The following VWA8 variants were observed in gnomAD, a reference collection of about 807,000 sequenced individuals.
The protein encoded by VWA8 is von Willebrand factor A domain-containing protein 8.
In VWA8, 221 loss-of-function variants were observed where a neutral mutation model predicts 241.5. The ratio of observed to expected loss-of-function variants is 0.91; its 90% confidence interval spans 0.82 to 1.02. The LOEUF (loss-of-function observed/expected upper bound fraction) is 1.02. VWA8 is among the 50% of genes least tolerant of loss of function. The probability of loss-of-function intolerance (pLI) is 0.00; values close to 1 mark genes in which losing one functional copy is unlikely to be tolerated. For missense variants in VWA8, 2,322 were observed against 2,328.7 expected (o/e 1.00, Z 0.06); for synonymous variants, 852 against 827.1 (o/e 1.03, Z -0.52).
chr13:41,940,004 GTTC>G (rs1389847756), intron 2 of VWA8, among the ~76,000 whole-genome samples: 2 of 152,116 alleles, frequency 1.3e-5, no homozygotes, highest in African/African-American at 4.8e-5. Context: ...CTAACACACT[GTTC>G]TTCTCATTCC....
chr13:41,863,253 A>G (rs1309433901), intron 12 of VWA8, among the ~76,000 whole-genome samples: 1 of 151,220 alleles, frequency 6.6e-6, no homozygotes, highest in African/African-American at 2.4e-5. Flanking sequence ...CAGAGTCCAC[A>G]TTCTCCAGTT....
intron 6 of VWA8, 70 bp from the exon 7 acceptor site, chr13:41,886,900 A>G (rs1874570122): frequency 8.1e-7 from 1 of 1,230,710 alleles, no homozygotes; most frequent in African/African-American, 1.6e-5. Flanking sequence ...AATGTTTTGT[A>G]GATACAATCC....
chr13:41,828,788 C>T (rs1040924533), intron 14 of VWA8, among the ~76,000 whole-genome samples: 1 of 152,116 alleles, frequency 6.6e-6, no homozygotes, highest in Non-Finnish European at 1.5e-5. Flanking sequence ...ATATCATTAT[C>T]ATACTTAAGG....
chr13:41,834,560 T>C (rs1027199635), intron 12 of VWA8, among the ~76,000 whole-genome samples: 2 of 152,178 alleles, frequency 1.3e-5, no homozygotes, highest in Non-Finnish European at 2.9e-5. Context: ...ACTAAATGGC[T>C]ATTACTAAAA....
intron 27 of VWA8, 37 bp downstream of exon 27, chr13:41,703,266 G>A (rs1566421326): frequency 1.3e-5 from 20 of 1,542,796 alleles, no homozygotes; most frequent in African/African-American, 2.7e-5. Context: ...AATTTATAAG[G>A]TTCAATATTT....
At chr13:41,755,043 G>A (rs2045684433) in intron 21 of VWA8, among the ~76,000 whole-genome samples, 2 of 151,796 alleles carry the variant, frequency 1.3e-5, no homozygotes, top group Non-Finnish European at 2.9e-5. Flanking sequence ...CCAAATCTTG[G>A]CTATTGTAAA....
intron 3 of VWA8, among the ~76,000 whole-genome samples, chr13:41,908,031 G>C (rs1875807805): frequency 6.6e-6 from 1 of 152,040 alleles, no homozygotes; most frequent in African/African-American, 2.4e-5. Context: ...TATTTGGTTT[G>C]CCCACAAACT....
At chr13:41,919,427 G>A (rs1876408765) in intron 2 of VWA8, among the ~76,000 whole-genome samples, 2 of 152,136 alleles carry the variant, frequency 1.3e-5, no homozygotes, top group Non-Finnish European at 2.9e-5. Flanking sequence ...AACCGACACT[G>A]TGCCTTACCC....
chr13:41,890,721 A>G (rs1396514143), intron 5 of VWA8, among the ~76,000 whole-genome samples: 1 of 152,246 alleles, frequency 6.6e-6, no homozygotes, highest in Non-Finnish European at 1.5e-5. Flanking sequence ...GAAGCAGACA[A>G]CAAAGGGCAC....
intron 14 of VWA8, among the ~76,000 whole-genome samples, chr13:41,826,205 T>G (rs905650531): frequency 3.3e-5 from 5 of 152,222 alleles, no homozygotes; most frequent in Non-Finnish European, 7.3e-5. Flanking sequence ...TGACTGTGTT[T>G]AACAACAAAA....
chr13:41,883,276 G>A (rs1874350366), intron 9 of VWA8, 111 bp downstream of exon 9: 1 of 764,094 alleles, frequency 1.3e-6, no homozygotes. Context: ...AAGAAATAAG[G>A]ATGGGGAGAG....
At position 41,960,859 on chromosome 13, in the gene VWA8, C is replaced by T; in HGVS notation, c.157G>A (p.Asp53Asn). Reference sequence around the variant, plus strand: ...GGGGCGCACCCCGAGTTACCTGTGTCGGCCCCCGAGCCGGCGTGCAACAGT... The same window carrying T: ...GGGGCGCACCCCGAGTTACCTGTGTTGGCCCCCGAGCCGGCGTGCAACAGT... ...VRLLHAGSGA[D>N]TGDTVNIGDV... Residue 53 changes from aspartate to asparagine, a missense_variant, in exon 1 of 45, where the codon GAC becomes AAC. Asp to Asn is a conservative substitution (Grantham distance 23). Transcript: ENST00000379310. 1 of 1,517,734 alleles carries T rather than the reference C, an allele frequency of 6.6e-7. No individual in the cohort carries two copies. The highest frequency in any genetic ancestry group is 8.8e-7 in the Non-Finnish European group (1 of 1,138,890). 94.0% of individuals were successfully genotyped at this position (1,517,734 alleles called of 1,614,324 possible).
At chr13:41,781,887 A>G (rs1556346) in intron 19 of VWA8, among the ~76,000 whole-genome samples, 22,677 of 152,222 alleles carry the variant, frequency 0.15, 1,831 homozygotes, top group East Asian at 0.19. Context: ...TATGGAAAAC[A>G]CGTTTTAAAA....
At chr13:41,960,676 C>G (rs989187631) in intron 1 of VWA8, among the ~76,000 whole-genome samples, 177 bp downstream of exon 1, 3 of 152,204 alleles carry the variant, frequency 2.0e-5, no homozygotes, top group Non-Finnish European at 2.9e-5. Flanking sequence ...GCCTTGCCCC[C>G]ACGTTACACA....
intron 17 of VWA8, among the ~76,000 whole-genome samples, chr13:41,800,355 T>C (rs9594631): frequency 0.015 from 2,281 of 152,284 alleles, 51 homozygotes; most frequent in African/African-American, 0.051. Context: ...CCTTTTGAGT[T>C]TGGATAAGAG....
chr13:41,778,338 A>G (rs1279221142), intron 19 of VWA8, among the ~76,000 whole-genome samples: 5 of 152,126 alleles, frequency 3.3e-5, no homozygotes, highest in Non-Finnish European at 7.4e-5. Flanking sequence ...TTTACCTATT[A>G]TACTATGTAG....
chr13:41,887,277 G>A lies in VWA8; in HGVS notation c.736C>T (p.Pro246Ser), dbSNP rs1268573975. The change falls in exon 6 of 45, where the codon CCA becomes TCA. Residue 246 changes from proline (P) to serine (S), a missense_variant. Pro to Ser is a moderately conservative substitution (Grantham distance 74, BLOSUM62 -1). Transcript: ENST00000379310. ...TCTAATGGATTCCCAGAATACCTTG[G>A]CACTGGCAAGCCCAAGGCAATCACT... ...FRVIALGLPV[P>S]RYSGNPLDPP... The A allele has an allele frequency of 1.2e-6, 2 of 1,613,658 alleles. No individual in the cohort carries two copies. Among genetic ancestry groups the A allele is most frequent in the Non-Finnish European group, 8.5e-7 (1 of 1,179,856 alleles).
intron 16 of VWA8, 141 bp from the exon 17 acceptor site, chr13:41,811,481 C>T (rs922358154): frequency 2.1e-6 from 1 of 479,220 alleles, no homozygotes; most frequent in Non-Finnish European, 3.6e-6. Context: ...AATTACAAAT[C>T]AAAATAAACA....
At position 41,811,324 on chromosome 13, in the gene VWA8, G is replaced by A; in HGVS notation, c.1964C>T (p.Ala655Val). 1 of 1,609,764 alleles carries A rather than the reference G, an allele frequency of 6.2e-7. No individual in the cohort carries two copies. Among genetic ancestry groups the A allele is most frequent in the Middle Eastern group, 1.7e-4 (1 of 6,034 alleles). The change falls in exon 17 of 45, where the codon GCA (alanine) becomes GTA (valine). Residue 655 changes from alanine to valine, a missense_variant. Ala to Val is a moderately conservative substitution (Grantham distance 64). Coordinates refer to ENST00000379310, the MANE Select transcript of VWA8 (RefSeq NM_015058.2). Reference sequence around the variant, plus strand: ...CAACAGTTGTCTGGTAGAAAGTGATGCCGCTAATGATTGTGCCTATCAAAA... The same window carrying A: ...CAACAGTTGTCTGGTAGAAAGTGATACCGCTAATGATTGTGCCTATCAAAA... ...TQDPTAQSLA[A>V]SLSTRQLLRI...
Sources: gnomAD v4.1 joint callset for allele counts (sites outside exome capture counted in the v4.1 genomes callset) on GRCh38, gnomAD v4.1.1 for gene constraint, MANE v1.5 for transcripts, NCBI Gene and HGNC (gene_info 2026-07-23, HGNC 2026-07-21) for gene names.